Variants in CAMK2D observed in about 807,000 individuals in gnomAD.
The protein encoded by CAMK2D is calcium/calmodulin-dependent protein kinase type II subunit delta.
Under a neutral mutation model 84.0 loss-of-function variants are expected in CAMK2D, and 37 were observed. That is an observed-to-expected ratio of 0.44 (90% CI 0.34 to 0.58). The LOEUF is 0.58. CAMK2D is among the 20% of genes least tolerant of loss of function. The pLI, the probability that CAMK2D is intolerant of heterozygous loss-of-function variation, is 0.02. For synonymous variants in CAMK2D, 202 were observed against 212.5 expected, an observed-to-expected ratio of 0.95 and a Z score of 0.43; for missense variants, 448 against 652.5, an observed-to-expected ratio of 0.69 and a Z score of 3.41.
intron 2 of CAMK2D, among the ~76,000 whole-genome samples, chr4:113,717,923 T>C (rs1047199427): frequency 8.5e-5 from 13 of 152,100 alleles, no homozygotes; most frequent in Admixed American, 7.2e-4. Flanking sequence ...CTCTTGAGGG[T>C]CCATTAACTT....
In CAMK2D at chr4:113,557,959, A is replaced by G. The variant is rs1176612172; in HGVS notation, c.276-5863T>C. On this transcript the variant is annotated intron_variant, in intron 4 of 20. Transcript: ENST00000511664. ...TTAGTGAGTGCCCTGATGGGGCATT[A>G]GGCTTCCCTGCCAAGCATAACCTTT... is the stretch of plus-strand genomic sequence containing the variant. Among the ~76,000 whole-genome samples the G allele has an allele frequency of 7.2e-5, 11 of 152,228 alleles. No individual in the cohort carries two copies. The East Asian group carries it at 2.1e-3, about 29-fold the overall frequency.
intron 2 of CAMK2D, among the ~76,000 whole-genome samples, chr4:113,704,912 C>T (rs991544003): frequency 6.8e-6 from 1 of 148,146 alleles, no homozygotes; most frequent in African/African-American, 2.5e-5. Flanking sequence ...AAAGTTAGAA[C>T]CAGGGTTAAA....
intron 2 of CAMK2D, among the ~76,000 whole-genome samples, chr4:113,724,979 TTTTAC>T (rs1360056993): frequency 1.0e-3 from 154 of 152,156 alleles, no homozygotes; most frequent in African/African-American, 3.7e-3. Context: ...TTTTCATTCA[TTTTAC>T]TTTATCTCGC....
intron 2 of CAMK2D, among the ~76,000 whole-genome samples, chr4:113,672,564 T>C (rs2099293729): frequency 6.6e-6 from 1 of 152,072 alleles, no homozygotes; most frequent in African/African-American, 2.4e-5. Flanking sequence ...ATTATAAGAA[T>C]ATCCTTTGAA....
At chr4:113,486,553 T>C (rs957159204) in intron 16 of CAMK2D, among the ~76,000 whole-genome samples, 5 of 152,200 alleles carry the variant, frequency 3.3e-5, no homozygotes, top group Admixed American at 2.0e-4. Context: ...ATTACATCTA[T>C]CCAATACATT....
chr4:113,701,555 C>A (rs574173671), intron 2 of CAMK2D, among the ~76,000 whole-genome samples: 1 of 152,224 alleles, frequency 6.6e-6, no homozygotes, highest in Non-Finnish European at 1.5e-5. Flanking sequence ...AATACAGAAT[C>A]CCAAAGTTGT....
chr4:113,719,035 A>T (rs1234553817), intron 2 of CAMK2D, among the ~76,000 whole-genome samples: 1 of 152,206 alleles, frequency 6.6e-6, no homozygotes, highest in Non-Finnish European at 1.5e-5. Context: ...TCAAGTAAAA[A>T]ATGGAGTGAT....
chr4:113,688,910 C>CAAAAA (rs34196728), intron 2 of CAMK2D, among the ~76,000 whole-genome samples: 2 of 49,714 alleles, frequency 4.0e-5, no homozygotes, highest in Non-Finnish European at 7.4e-5. Context: ...AAAGAAGATG[C>CAAAAA]AAAAAAAAAA....
At chr4:113,533,537 C>T (rs1248634272) in intron 7 of CAMK2D, among the ~76,000 whole-genome samples, 20 of 152,124 alleles carry the variant, frequency 1.3e-4, no homozygotes, top group Admixed American at 1.3e-3. Flanking sequence ...AAGAGAATTA[C>T]TGACTGTTGG....
intron 2 of CAMK2D, among the ~76,000 whole-genome samples, chr4:113,750,084 A>T (rs2099613731): frequency 6.6e-6 from 1 of 152,246 alleles, no homozygotes; most frequent in African/African-American, 2.4e-5. Flanking sequence ...AATGTCACCA[A>T]ATGCCTGAAG....
At chr4:113,618,910 A>C (rs887099554) in intron 3 of CAMK2D, among the ~76,000 whole-genome samples, 1 of 152,186 alleles carries the variant, frequency 6.6e-6, no homozygotes, top group Non-Finnish European at 1.5e-5. Context: ...GAGAACAGTT[A>C]GTTCAGCCTA....
rs530511504 is a variant in CAMK2D, at chr4:113,684,572, T to G, written c.161-22800A>C. 1.3e-4 allele frequency among the ~76,000 whole-genome samples: 20 copies of G among 152,298 alleles called. No homozygotes were observed. The South Asian group carries it at 2.9e-3, about 22-fold the overall frequency. ...TCAGAACAAGGGAAGAAGATGACTA[T>G]GCAGCTGCTCGGTAACAGCGTCTAG... On this transcript the variant is annotated intron_variant, in intron 2 of 20. Transcript: ENST00000511664.
At position 113,634,788 on chromosome 4, in the gene CAMK2D, G is replaced by A. The variant is rs1394460094; in HGVS notation, c.221-25582C>T. ...AACAGTCATGAAACAAAACCTCATG[G>A]AACTTACATTACTATCTATCTGTGA... On this transcript the variant is annotated intron_variant, in intron 3 of 20. Transcript: ENST00000511664. 2.0e-5 allele frequency among the ~76,000 whole-genome samples: 3 copies of A among 152,166 alleles called. No individual in the cohort carries two copies. The East Asian group carries it at 5.8e-4, about 29-fold the overall frequency.
chr4:113,497,908 T>A (rs1327024601), intron 16 of CAMK2D, among the ~76,000 whole-genome samples: 3 of 152,214 alleles, frequency 2.0e-5, no homozygotes, highest in African/African-American at 7.2e-5. Context: ...TAAGAATATG[T>A]CAAAAAGTGT....
intron 4 of CAMK2D, among the ~76,000 whole-genome samples, chr4:113,584,561 T>C (rs2098825347): frequency 6.6e-6 from 1 of 152,196 alleles, no homozygotes; most frequent in African/African-American, 2.4e-5. Flanking sequence ...AGAGGCTTCC[T>C]GGTTTCAGGT....
chr4:113,528,799 A>G (rs544940810), intron 8 of CAMK2D, among the ~76,000 whole-genome samples: 1 of 152,330 alleles, frequency 6.6e-6, no homozygotes, highest in African/African-American at 2.4e-5. Context: ...TCATCAGCAG[A>G]AACAGATCTA....
At chr4:113,641,318 AT>A (rs1367808206) in intron 3 of CAMK2D, among the ~76,000 whole-genome samples, 1 of 152,192 alleles carries the variant, frequency 6.6e-6, no homozygotes, top group Non-Finnish European at 1.5e-5. Context: ...AGTCAAATTA[AT>A]ATATCTATTT....
chr4:113,495,917 C>T (rs1327051739), intron 16 of CAMK2D, among the ~76,000 whole-genome samples: 1 of 152,092 alleles, frequency 6.6e-6, no homozygotes, highest in African/African-American at 2.4e-5. Context: ...TACAGGAGCC[C>T]AACTTCAACA....
chr4:113,502,949 G>T lies in CAMK2D; in HGVS notation c.1073C>A (p.Pro358His). 1 of 1,607,110 alleles carries T rather than the reference G, an allele frequency of 6.2e-7. No individual in the cohort carries two copies. Among genetic ancestry groups the T allele is most frequent in the Non-Finnish European group, 8.5e-7 (1 of 1,173,720 alleles). The change falls in exon 15 of 21, where the codon CCT (proline) becomes CAT (histidine). Residue 358 changes from proline to histidine, a missense_variant. Pro to His is a moderately conservative substitution (Grantham distance 77). Around this residue, in one of 7 missense-constraint regions of CAMK2D, gnomAD observed 219 missense variants for 272.1 expected, o/e 0.80. Transcript: ENST00000511664. ...LEPQTTVIHN[P>H]DGNKESTESS... ...CTTTCTGAATACCTTGTTTCCATCA[G>T]GGTTGTGGATTACAGTAGTTTGGGG... is the stretch of plus-strand genomic sequence containing the variant.
Sources: allele counts gnomAD v4.1 joint callset (sites outside exome capture counted in the v4.1 genomes callset), GRCh38; gene constraint gnomAD v4.1.1; regional missense constraint gnomAD v4.1.1; transcripts MANE v1.5; gene names NCBI Gene and HGNC (gene_info 2026-07-23, HGNC 2026-07-21).